EFCAB11: variants seen among roughly 807,000 people sequenced by gnomAD.
EFCAB11 encodes EF-hand calcium binding domain 11.
Under a neutral mutation model 23.0 loss-of-function variants are expected in EFCAB11, and 14 were observed. The ratio of observed to expected loss-of-function variants is 0.61; its 90% CI spans 0.40 to 0.95. The LOEUF (loss-of-function observed/expected upper bound fraction) is 0.95. Ranked by LOEUF, EFCAB11 falls within the 40% of genes least tolerant of loss-of-function variation. The pLI is 0.00. For missense variants in EFCAB11, 198 were observed against 195.8 expected (o/e 1.01, Z -0.07); for synonymous variants, 65 against 66.6 (o/e 0.98, Z 0.11).
intron 5 of EFCAB11, among the ~76,000 whole-genome samples, chr14:89,901,516 T>C (rs913601652): frequency 6.6e-6 from 1 of 152,136 alleles, no homozygotes; most frequent in African/African-American, 2.4e-5. Flanking sequence ...CAAGAAAATA[T>C]CTGTTGAACT....
intron 5 of EFCAB11, among the ~76,000 whole-genome samples, chr14:89,882,041 G>A (rs1432088470): frequency 6.6e-6 from 1 of 152,162 alleles, no homozygotes; most frequent in Admixed American, 6.5e-5. Flanking sequence ...GCACCTGTGT[G>A]GAGCTATACT....
chr14:89,890,786 C>A (rs986379609), intron 5 of EFCAB11, among the ~76,000 whole-genome samples: 6 of 152,216 alleles, frequency 3.9e-5, no homozygotes, highest in African/African-American at 1.4e-4. Flanking sequence ...TCACTCACAT[C>A]GTGCACTGGG....
intron 5 of EFCAB11, among the ~76,000 whole-genome samples, chr14:89,895,853 G>A (rs904565126): frequency 6.6e-6 from 1 of 152,158 alleles, no homozygotes; most frequent in Non-Finnish European, 1.5e-5. Flanking sequence ...GAAAAGACAA[G>A]TCACAAGCTG....
intron 5 of EFCAB11, among the ~76,000 whole-genome samples, chr14:89,845,816 C>A (rs994309083): frequency 4.6e-5 from 7 of 152,182 alleles, no homozygotes; most frequent in Non-Finnish European, 1.0e-4. Context: ...GTCGGGAGTA[C>A]TGGGTCGAGT....
At chr14:89,833,030 AT>A (rs1886937902) in intron 5 of EFCAB11, 1 of 152,216 alleles carries the variant, frequency 6.6e-6, no homozygotes, top group Non-Finnish European at 1.5e-5. Context: ...TTACACAACA[AT>A]AAAAATTAAA....
intron 5 of EFCAB11, among the ~76,000 whole-genome samples, chr14:89,881,841 G>C (rs969425251): frequency 1.3e-5 from 2 of 152,090 alleles, no homozygotes; most frequent in Admixed American, 6.5e-5. Flanking sequence ...AAGAGTAAAG[G>C]TATGAAGTTG....
chr14:89,841,866 C>T (rs934866569), intron 5 of EFCAB11, among the ~76,000 whole-genome samples: 6 of 152,132 alleles, frequency 3.9e-5, no homozygotes, highest in African/African-American at 1.2e-4. Context: ...TGTGTGTTGA[C>T]GGCTCTCTCC....
intron 5 of EFCAB11, among the ~76,000 whole-genome samples, chr14:89,808,473 A>G (rs1471418312): frequency 6.6e-6 from 1 of 152,176 alleles, no homozygotes. Context: ...ATTTGCTTTT[A>G]ACAGCTTGTA....
At chr14:89,803,903 C>T (rs1885873841) in intron 5 of EFCAB11, among the ~76,000 whole-genome samples, 1 of 151,984 alleles carries the variant, frequency 6.6e-6, no homozygotes, top group East Asian at 1.9e-4. Context: ...TTAATTTTAC[C>T]TTTTTAAAGA....
intron 5 of EFCAB11, chr14:89,837,232 A>G (rs1201796794): frequency 4.8e-6 from 2 of 415,226 alleles, no homozygotes; most frequent in Non-Finnish European, 9.8e-6. Context: ...TATCCATCCA[A>G]TCAATTTTCT....
rs1276834641 is a variant in EFCAB11, at chr14:89,799,504, T to C, written c.411-2180A>G. ...ATGTACCGTGGGTAGAATTAGTGAC[T>C]GGCTGAGGAGAGGAAGGAAATGTCA... On this transcript the variant is annotated intron_variant, in intron 5 of 5. Transcript: ENST00000316738. 5 of 152,222 alleles carry C rather than the reference T, an allele frequency of 3.3e-5. 1 individual carries two copies. The East Asian group carries it at 5.8e-4, about 18-fold the overall frequency. The allele number at this position is 152,222 out of a possible 1,614,324, so 9.4% of individuals were successfully genotyped here.
At chr14:89,903,834 C>T (rs1192186022) in intron 5 of EFCAB11, among the ~76,000 whole-genome samples, 2 of 152,124 alleles carry the variant, frequency 1.3e-5, no homozygotes, top group Non-Finnish European at 2.9e-5. Context: ...CAAACCACAT[C>T]TATCATATGT....
intron 5 of EFCAB11, among the ~76,000 whole-genome samples, chr14:89,832,462 C>CT (rs1886918430): frequency 6.6e-6 from 1 of 152,152 alleles, no homozygotes; most frequent in Admixed American, 6.5e-5. Context: ...AGCTCTACCA[C>CT]TCCTCATGAT....
intron 5 of EFCAB11, among the ~76,000 whole-genome samples, chr14:89,812,424 C>T (rs1467100346): frequency 1.3e-5 from 2 of 152,182 alleles, no homozygotes; most frequent in African/African-American, 4.8e-5. Context: ...TTCATCAAAA[C>T]CCCAAAGGGA....
At chr14:89,901,017 C>T (rs1889322156) in intron 5 of EFCAB11, among the ~76,000 whole-genome samples, 1 of 152,124 alleles carries the variant, frequency 6.6e-6, no homozygotes, top group African/African-American at 2.4e-5. Flanking sequence ...ATTTCCTGAT[C>T]CTCTAGTGTA....
chr14:89,837,846 C>T (rs150116637), intron 5 of EFCAB11, among the ~76,000 whole-genome samples: 171 of 149,770 alleles, frequency 1.1e-3, no homozygotes, highest in East Asian at 6.1e-3. Flanking sequence ...AGGGGTGGGG[C>T]GGGGAGCTGT....
chr14:89,891,079 G>A (rs1017916984), intron 5 of EFCAB11, among the ~76,000 whole-genome samples: 3 of 152,010 alleles, frequency 2.0e-5, no homozygotes, highest in African/African-American at 7.2e-5. Flanking sequence ...TCCATCTGTG[G>A]ATTTGTTTTA....
chr14:89,800,427 T>C (rs1885738668), intron 5 of EFCAB11, among the ~76,000 whole-genome samples: 1 of 151,934 alleles, frequency 6.6e-6, no homozygotes, highest in Non-Finnish European at 1.5e-5. Context: ...CAATTTAGAG[T>C]TAAGAAGCAG....
At chr14:89,871,950 T>C (rs1888283242) in intron 5 of EFCAB11, among the ~76,000 whole-genome samples, 1 of 152,216 alleles carries the variant, frequency 6.6e-6, no homozygotes, top group South Asian at 2.1e-4. Context: ...CAGATCCCAC[T>C]GCAGCCCTAT....
Sources: allele counts gnomAD v4.1 joint callset (sites outside exome capture counted in the v4.1 genomes callset), GRCh38; gene constraint gnomAD v4.1.1; transcripts MANE v1.5; gene names NCBI Gene and HGNC (gene_info 2026-07-23, HGNC 2026-07-21).